The following ZBTB40 variants were observed in gnomAD, a reference collection of about 807,000 sequenced individuals.
ZBTB40 encodes the protein zinc finger and BTB domain containing 40.
In ZBTB40, 60 loss-of-function variants were observed where a neutral mutation model predicts 117.5. That is an observed-to-expected ratio of 0.51 (90% CI 0.41 to 0.63). The LOEUF is 0.63. Ranked by LOEUF, ZBTB40 falls within the 30% of genes least tolerant of loss-of-function variation. The pLI is 0.00. For synonymous variants in ZBTB40, 525 were observed against 577.1 expected (o/e 0.91, Z 1.29); for missense variants, 1,287 against 1,498.5 (o/e 0.86, Z 2.33).
At chr1:22,522,022 T>A (rs1455859290) in intron 15 of ZBTB40, among the ~76,000 whole-genome samples, 4 of 152,196 alleles carry the variant, frequency 2.6e-5, no homozygotes, top group Non-Finnish European at 5.9e-5. Flanking sequence ...CCTGTTTCCT[T>A]CTCTCCAGGA....
At chr1:22,525,453 G>A (rs1006126626) in intron 17 of ZBTB40, among the ~76,000 whole-genome samples, 1 of 152,166 alleles carries the variant, frequency 6.6e-6, no homozygotes, top group Non-Finnish European at 1.5e-5. Context: ...GGTGGCTGTG[G>A]CCTCTAGTTT....
chr1:22,436,744 A>C (rs1245586745), intron 1 of ZBTB40, among the ~76,000 whole-genome samples: 1 of 152,146 alleles, frequency 6.6e-6, no homozygotes. Context: ...ACAAAACACT[A>C]CATATTATAT....
intron 1 of ZBTB40, among the ~76,000 whole-genome samples, chr1:22,473,933 C>A (rs575474285): frequency 6.6e-6 from 1 of 152,104 alleles, no homozygotes; most frequent in Non-Finnish European, 1.5e-5. Context: ...CATCTCGGAG[C>A]CTTAGTCCTC....
chr1:22,507,911 C>T, intron 6 of ZBTB40, 90 bp from the exon 7 acceptor site: 5 of 1,596,430 alleles, frequency 3.1e-6, no homozygotes, highest in Non-Finnish European at 4.3e-6. Context: ...GTGCTGATTG[C>T]TCTCTTCCTC....
At chr1:22,436,058 A>C (rs755520401) in intron 1 of ZBTB40, among the ~76,000 whole-genome samples, 2 of 152,120 alleles carry the variant, frequency 1.3e-5, no homozygotes, top group Non-Finnish European at 2.9e-5. Flanking sequence ...TTGATGATGG[A>C]AGTATAAATG....
At chr1:22,499,721 C>T (rs1353104981) in intron 3 of ZBTB40, among the ~76,000 whole-genome samples, 1 of 152,224 alleles carries the variant, frequency 6.6e-6, no homozygotes, top group Non-Finnish European at 1.5e-5. Context: ...TAGCTTTATA[C>T]AGACATCCTG....
intron 17 of ZBTB40, 63 bp from the exon 18 acceptor site, chr1:22,526,139 A>G: frequency 6.4e-7 from 1 of 1,573,842 alleles, no homozygotes; most frequent in Non-Finnish European, 8.7e-7. Flanking sequence ...GATGAAAACC[A>G]TGTAAATCAG....
intron 12 of ZBTB40, among the ~76,000 whole-genome samples, chr1:22,516,378 C>T (rs1469554171): frequency 6.6e-6 from 1 of 152,098 alleles, no homozygotes; most frequent in Non-Finnish European, 1.5e-5. Context: ...GGGAGTTGGA[C>T]ATATGGGTCT....
intron 1 of ZBTB40, among the ~76,000 whole-genome samples, chr1:22,430,013 G>A (rs1433654416): frequency 1.3e-5 from 2 of 152,136 alleles, no homozygotes; most frequent in Admixed American, 6.5e-5. Flanking sequence ...AATAAAAAAA[G>A]TATGATGTCT....
intron 3 of ZBTB40, among the ~76,000 whole-genome samples, chr1:22,494,661 TGA>T (rs1220047360): frequency 6.6e-6 from 1 of 152,202 alleles, no homozygotes; most frequent in East Asian, 1.9e-4. Flanking sequence ...TTCAGTGGCA[TGA>T]GAGGCCACCG....
chr1:22,444,131 C>T (rs559777647), intron 1 of ZBTB40, among the ~76,000 whole-genome samples: 2 of 152,204 alleles, frequency 1.3e-5, no homozygotes, highest in South Asian at 2.1e-4. Flanking sequence ...AACAATTGGT[C>T]GCTGGGTGCG....
intron 2 of ZBTB40, among the ~76,000 whole-genome samples, chr1:22,491,169 A>G (rs1261732070): frequency 1.3e-5 from 2 of 152,212 alleles, no homozygotes; most frequent in East Asian, 3.9e-4. Flanking sequence ...TGCTGGGATT[A>G]CAGGCGTGAG....
intron 14 of ZBTB40, 121 bp from the exon 15 acceptor site, chr1:22,521,375 G>A (rs980379277): frequency 6.5e-6 from 8 of 1,238,000 alleles, no homozygotes; most frequent in Middle Eastern, 2.5e-4. Context: ...ATAGGTAAGA[G>A]TGTGTGATAC....
At chr1:22,494,139 C>T (rs562172825) in intron 3 of ZBTB40, among the ~76,000 whole-genome samples, 20 of 152,280 alleles carry the variant, frequency 1.3e-4, no homozygotes, top group African/African-American at 4.8e-4. Flanking sequence ...TATTTTTAGA[C>T]CTAACAGACC....
At chr1:22,489,758 C>A in intron 1 of ZBTB40, 122 bp from the exon 2 acceptor site, 1 of 656,738 alleles carries the variant, frequency 1.5e-6, no homozygotes, top group Non-Finnish European at 2.7e-6. Context: ...CTGTCCCTTC[C>A]TATTAAGCAA....
chr1:22,506,833 C>T (rs1408380957), intron 6 of ZBTB40, among the ~76,000 whole-genome samples: 2 of 152,198 alleles, frequency 1.3e-5, no homozygotes, highest in East Asian at 3.9e-4. Flanking sequence ...CAAGCTTGGA[C>T]AATTCCAAAT....
At chr1:22,488,464 A>G (rs955080501) in intron 1 of ZBTB40, among the ~76,000 whole-genome samples, 11 of 152,216 alleles carry the variant, frequency 7.2e-5, no homozygotes, top group African/African-American at 1.9e-4. Context: ...GCCTCTGAGC[A>G]AAGGGCTGGT....
chr1:22,484,498 C>T (rs569562704), intron 1 of ZBTB40, among the ~76,000 whole-genome samples: 6 of 152,096 alleles, frequency 3.9e-5, no homozygotes, highest in Admixed American at 6.5e-5. Flanking sequence ...AACCTTATGT[C>T]TTACAACTTT....
chr1:22,493,327 G>T lies in ZBTB40; in HGVS notation c.831+1794G>T, dbSNP rs1463716413. The stretch of plus-strand genomic sequence containing the variant: ...TGTTTTTAAAGCCAATTCTGTTACA[G>T]TCCATAACCTTTGAACTTCAGAAAG... On this transcript the variant is annotated intron_variant, in intron 3 of 17. Transcript: ENST00000375647. 2.6e-5 allele frequency among the ~76,000 whole-genome samples: 4 copies of T among 152,132 alleles called. No homozygotes were observed. In the East Asian group the frequency reaches 7.7e-4, roughly 29 times the overall value.
Sources: allele counts gnomAD v4.1 joint callset (sites outside exome capture counted in the v4.1 genomes callset), GRCh38; gene constraint gnomAD v4.1.1; transcripts MANE v1.5; gene names NCBI Gene and HGNC (gene_info 2026-07-23, HGNC 2026-07-21).